Variants in ANKRD46 observed in about 807,000 individuals in gnomAD.
ANKRD46 encodes the protein ankyrin repeat domain-containing protein 46.
In ANKRD46, 13 loss-of-function variants were observed where a neutral mutation model predicts 19.8. The observed-to-expected ratio is 0.66, with a 90% confidence interval of 0.43 to 1.04. The LOEUF (loss-of-function observed/expected upper bound fraction) is 1.04. Among genes scored for constraint, ANKRD46 ranks in the 50% least tolerant of loss-of-function variants. ANKRD46 has a pLI of 0.00. For missense variants in ANKRD46, 185 were observed against 274.8 expected, an observed-to-expected ratio of 0.67 and a Z score of 2.31; for synonymous variants, 91 against 106.9, an observed-to-expected ratio of 0.85 and a Z score of 0.92.
At position 100,522,052 on chromosome 8, in the gene ANKRD46, T is replaced by C. The variant is rs753933899; in HGVS notation, c.*503A>G. ...TAAGCCAAATAGATGCTAACAATAC[T>C]AATTTGCACACAAGATTTGAAAAAA... On this transcript the variant is annotated 3_prime_UTR_variant, in exon 5 of 5. Transcript: ENST00000335659. 4.1e-6 allele frequency: 4 copies of C among 986,434 alleles called. No individual in the cohort carries two copies. Among genetic ancestry groups the C allele is most frequent in the Non-Finnish European group, 4.8e-6 (4 of 830,454 alleles). 61.1% of individuals were successfully genotyped at this position (986,434 alleles called of 1,614,324 possible).
chr8:100,525,017 A>C lies in ANKRD46; in HGVS notation c.471-2246T>G, dbSNP rs1811814593. ...CATACCTACAAAGTAAAAAGGAATT[A>C]AACTTAGAGTTATATGGAGGAGTGG... On this transcript the variant is annotated intron_variant, in intron 4 of 4. Coordinates refer to ENST00000335659, the MANE Select transcript of ANKRD46 (RefSeq NM_001270377.2). The surrounding 1 kb of genome is among the most constrained non-coding windows in gnomAD (Gnocchi z 4.4). Among the ~76,000 whole-genome samples the C allele has an allele frequency of 2.0e-5, 1 of 49,848 alleles. No individual in the cohort carries two copies. Among genetic ancestry groups the C allele is most frequent in the Non-Finnish European group, 5.3e-5 (1 of 18,928 alleles). 32.7% of individuals were successfully genotyped at this position (49,848 alleles called of 152,430 possible).
chr8:100,511,569 A>G lies in ANKRD46; in HGVS notation c.637-930T>C, dbSNP rs902019039. On this transcript the variant is annotated intron_variant, in intron 5 of 5. Transcript: ENST00000520552. The surrounding 1 kb of genome is among the most constrained non-coding windows in gnomAD (Gnocchi z 4.1). ...CTACTTATTTTATCCAAATTAAATG[A>G]CAAAAAAAAATCATATACACATACC... Among the ~76,000 whole-genome samples, 2 of 152,022 alleles carry G rather than the reference A, an allele frequency of 1.3e-5. No homozygotes were observed. The highest frequency in any genetic ancestry group is 2.9e-5 in the Non-Finnish European group (2 of 68,036).
chr8:100,522,261 T>G lies in ANKRD46; in HGVS notation c.*294A>C. 1 of 1,167,022 alleles carries G rather than the reference T, an allele frequency of 8.6e-7. No homozygotes were observed. Among genetic ancestry groups the G allele is most frequent in the Non-Finnish European group, 1.1e-6 (1 of 942,180 alleles). The allele number at this position is 1,167,022 out of a possible 1,614,324, so 72.3% of individuals were successfully genotyped here. A position where few individuals can be genotyped will look rare whatever the true frequency, so the allele number is the denominator to read the frequency against. ...TAGCAAGGACTTCCTAGCTTCTTCCTTTATCTTCCATTCTCTAGTCACTTC... is the reference window on the plus strand; with the variant it reads ...TAGCAAGGACTTCCTAGCTTCTTCCGTTATCTTCCATTCTCTAGTCACTTC... On this transcript the variant is annotated 3_prime_UTR_variant, in exon 5 of 5. Coordinates refer to ENST00000335659, the MANE Select transcript of ANKRD46 (RefSeq NM_001270377.2).
intron 1 of ANKRD46, among the ~76,000 whole-genome samples, chr8:100,535,493 C>T (rs1045995230): frequency 3.9e-5 from 6 of 152,192 alleles, no homozygotes; most frequent in African/African-American, 1.4e-4. Flanking sequence ...AGATACAGAA[C>T]ATTTCCATCA....
At chr8:100,553,739 A>G (rs1469632399) in intron 1 of ANKRD46, among the ~76,000 whole-genome samples, 1 of 152,114 alleles carries the variant, frequency 6.6e-6, no homozygotes, top group Non-Finnish European at 1.5e-5. Context: ...ACAGAGCAAA[A>G]CTCCATCTCA....
At chr8:100,540,195 TA>T (rs57942001) in intron 1 of ANKRD46, among the ~76,000 whole-genome samples, 63 of 147,684 alleles carry the variant, frequency 4.3e-4, no homozygotes, top group East Asian at 7.9e-4. Flanking sequence ...ATTTCATGAG[TA>T]AAAAAAAAAA....
chr8:100,514,617 CTTTTTTT>C (rs35216029), intron 5 of ANKRD46, among the ~76,000 whole-genome samples: 16 of 74,032 alleles, frequency 2.2e-4, no homozygotes, highest in Admixed American at 1.4e-3. Context: ...CCTCCATCTT[CTTTTTTT>C]TTTTTTTTTT....
At chr8:100,515,911 G>C (rs1425635744), downstream of ANKRD46, among the ~76,000 whole-genome samples, 8 of 141,858 alleles carry the variant, frequency 5.6e-5, no homozygotes, top group African/African-American at 1.9e-4. Context: ...CACTCCTGTT[G>C]CCCAGGCTGG....
chr8:100,541,658 A>G (rs1563488555), intron 1 of ANKRD46, among the ~76,000 whole-genome samples: 1 of 152,168 alleles, frequency 6.6e-6, no homozygotes, highest in East Asian at 1.9e-4. Flanking sequence ...CTGAGACCAG[A>G]AAGGCTGTAA....
rs1812280070 is a variant in ANKRD46, at chr8:100,546,719, T to G, written c.-131+12992A>C. 6.6e-6 allele frequency among the ~76,000 whole-genome samples: 1 copy of G among 152,170 alleles called. No homozygotes were observed. The highest frequency in any genetic ancestry group is 6.5e-5 in the Admixed American group (1 of 15,278). On this transcript the variant is annotated intron_variant, in intron 1 of 4. Coordinates refer to ENST00000335659, the MANE Select transcript of ANKRD46 (RefSeq NM_001270377.2). This position sits in a 1 kb window ranked among gnomAD's most constrained non-coding sequence, Gnocchi z 4.0. ...CCAGAAAAGTAGATCCACTGACAGC[T>G]TGCACCATGCATCTGGAAAAGCCAC...
At chr8:100,514,498 A>T (rs1329036622) in intron 5 of ANKRD46, among the ~76,000 whole-genome samples, 1 of 152,160 alleles carries the variant, frequency 6.6e-6, no homozygotes, top group Non-Finnish European at 1.5e-5. Flanking sequence ...AAAAACAACA[A>T]AACAATAATA....
chr8:100,522,515 G>C lies in ANKRD46; in HGVS notation c.*40C>G. 2 of 1,606,812 alleles carry C rather than the reference G, an allele frequency of 1.2e-6. No individual in the cohort carries two copies. Among genetic ancestry groups the C allele is most frequent in the Admixed American group, 1.7e-5 (1 of 59,354 alleles). The stretch of plus-strand genomic sequence containing the variant: ...AACTGAGAACAAACATTGGAAGCCA[G>C]GAAACAGGCAATTAATTGCCTCATC... On this transcript the variant is annotated 3_prime_UTR_variant, in exon 5 of 5. Transcript: ENST00000335659.
At chr8:100,551,381 A>T (rs1812386708) in intron 1 of ANKRD46, 1 of 597,272 alleles carries the variant, frequency 1.7e-6, no homozygotes, top group Admixed American at 2.0e-5. Flanking sequence ...CTCCCCCATT[A>T]AGTGAGCCCC....
At position 100,545,370 on chromosome 8, in the gene ANKRD46, G is replaced by C. The variant is rs769485261; in HGVS notation, c.-130-12059C>G. Among the ~76,000 whole-genome samples the C allele has an allele frequency of 6.6e-6, 1 of 152,070 alleles. No individual in the cohort carries two copies. Among genetic ancestry groups the C allele is most frequent in the Non-Finnish European group, 1.5e-5 (1 of 67,998 alleles). On this transcript the variant is annotated intron_variant, in intron 1 of 4. Transcript: ENST00000335659. This position sits in a 1 kb window ranked among gnomAD's most constrained non-coding sequence, Gnocchi z 4.7. ...TTACCCCCATGCTGTTCTCATGATA[G>C]TGAGGGAGGGCTCATAAATAAGATC...
At chr8:100,533,893 T>A (rs1320327184) in intron 1 of ANKRD46, among the ~76,000 whole-genome samples, 2 of 152,228 alleles carry the variant, frequency 1.3e-5, no homozygotes, top group Admixed American at 1.3e-4. Flanking sequence ...CTATCTGTAG[T>A]CTTCTTTACA....
intron 5 of ANKRD46, among the ~76,000 whole-genome samples, chr8:100,512,962 T>C (rs1811570492): frequency 6.6e-6 from 1 of 152,200 alleles, no homozygotes; most frequent in Non-Finnish European, 1.5e-5. Context: ...TGGGCTCTAT[T>C]GAGGCTTTCT....
At chr8:100,553,305 A>C (rs912294593) in intron 1 of ANKRD46, among the ~76,000 whole-genome samples, 8 of 152,262 alleles carry the variant, frequency 5.3e-5, no homozygotes, top group African/African-American at 1.7e-4. Context: ...GACTGAGGAG[A>C]GGGCAGAGGG....
At chr8:100,542,920 T>C (rs1277389016) in intron 1 of ANKRD46, among the ~76,000 whole-genome samples, 1 of 152,102 alleles carries the variant, frequency 6.6e-6, no homozygotes, top group Non-Finnish European at 1.5e-5. Flanking sequence ...ACAGCAATTC[T>C]CTTTCTGACT....
rs1442885860 is a variant in ANKRD46 at position 100,557,991 on chromosome 8, G to A, written c.-131+1720C>T. Among the ~76,000 whole-genome samples, 1 of 152,148 alleles carries A rather than the reference G, an allele frequency of 6.6e-6. No individual in the cohort carries two copies. The highest frequency in any genetic ancestry group is 1.5e-5 in the Non-Finnish European group (1 of 68,034). ...CAACCCCACCTTCCTCCAGTGACAT[G>A]TTAGCTCCTGGAAGACAAGGACTTC... is the stretch of plus-strand genomic sequence containing the variant. On this transcript the variant is annotated intron_variant, in intron 1 of 4. Transcript: ENST00000335659. This position sits in a 1 kb window ranked among gnomAD's most constrained non-coding sequence, Gnocchi z 5.9.
Sources: allele counts gnomAD v4.1 joint callset (sites outside exome capture counted in the v4.1 genomes callset), GRCh38; gene constraint gnomAD v4.1.1; non-coding constraint Gnocchi (gnomAD v3.1); transcripts MANE v1.5; gene names NCBI Gene and HGNC (gene_info 2026-07-23, HGNC 2026-07-21).